Variants in TMEM135 observed in about 807,000 individuals in gnomAD.
The protein encoded by TMEM135 is transmembrane protein 135.
Under a neutral mutation model 60.3 loss-of-function variants are expected in TMEM135, and 30 were observed. The observed-to-expected ratio is 0.50, with a 90% CI of 0.37 to 0.68. The LOEUF (loss-of-function observed/expected upper bound fraction) is 0.68. Ranked by LOEUF, TMEM135 falls within the 30% of genes least tolerant of loss-of-function variation. TMEM135 has a pLI of 0.00. For synonymous variants in TMEM135, 190 were observed against 186.7 expected, an observed-to-expected ratio of 1.02 and a Z score of -0.14; for missense variants, 468 against 548.8, an observed-to-expected ratio of 0.85 and a Z score of 1.47.
intron 4 of TMEM135, among the ~76,000 whole-genome samples, chr11:87,126,012 C>T (rs551056206): frequency 6.6e-6 from 1 of 152,274 alleles, no homozygotes; most frequent in East Asian, 1.9e-4. Context: ...TCACTCACCC[C>T]TTCTTGTTTG....
chr11:87,245,146 T>C (rs1450821347), intron 6 of TMEM135, among the ~76,000 whole-genome samples: 1 of 146,614 alleles, frequency 6.8e-6, no homozygotes, highest in Non-Finnish European at 1.5e-5. Context: ...TCAGTTTCCA[T>C]GTAGTTGAGC....
chr11:87,223,850 AAAG>A (rs1940706816), intron 5 of TMEM135, among the ~76,000 whole-genome samples: 1 of 43,126 alleles, frequency 2.3e-5, no homozygotes, highest in Admixed American at 2.1e-4. Flanking sequence ...ACTGTCTAAA[AAAG>A]AAAGAAAGAA....
rs71040295 is a variant in TMEM135 at position 87,129,213 on chromosome 11, ATTTTTTTTTTTTTTTTTTTTTT to A, written c.397-28102_397-28081del. The stretch of plus-strand genomic sequence containing the variant: ...TTCTATACATGTTCCTTATTCCTTA[ATTTTTTTTTTTTTTTTTTTTTT>A]TTTTTTTTTTTTTTTTTTTTTTTTT... On this transcript the variant is annotated intron_variant, in intron 4 of 14. Transcript: ENST00000305494. Among the ~76,000 whole-genome samples the A allele has an allele frequency of 7.6e-3, 882 of 115,724 alleles. 5 individuals are homozygous for A. Among genetic ancestry groups the A allele is most frequent in the South Asian group, 0.012 (44 of 3,580 alleles). 75.9% of individuals were successfully genotyped at this position (115,724 alleles called of 152,430 possible).
intron 6 of TMEM135, among the ~76,000 whole-genome samples, chr11:87,289,437 C>CTTTTTTTTTTTTTTTTTTT (rs376999371): frequency 1.1e-5 from 1 of 87,580 alleles, no homozygotes; most frequent in Non-Finnish European, 2.0e-5. Context: ...ATCTCCATAT[C>CTTTTTTTTTTTTTTTTTTT]TTTTTTTTTT....
At position 87,323,276 on chromosome 11, in the gene TMEM135, A is replaced by G. The variant is rs1239843591; in HGVS notation, c.*1943A>G. 2 of 453,718 alleles carry G rather than the reference A, an allele frequency of 4.4e-6. No homozygotes were observed. Among genetic ancestry groups the G allele is most frequent in the East Asian group, 6.9e-5 (1 of 14,402 alleles). The allele number at this position is 453,718 out of a possible 1,614,324, so 28.1% of individuals were successfully genotyped here. On this transcript the variant is annotated 3_prime_UTR_variant, in exon 15 of 15. Transcript: ENST00000305494. ...AATTTTATGTAAAATGTAAAATGAA[A>G]TAGCTATCATGAAGCAGAATACAAT... is the stretch of plus-strand genomic sequence containing the variant.
In TMEM135 at chr11:87,236,152, C is replaced by G. The variant is rs369925347; in HGVS notation, c.463-486C>G. Among the ~76,000 whole-genome samples, 25 of 151,668 alleles carry G rather than the reference C, an allele frequency of 1.6e-4. No individual in the cohort carries two copies. In the East Asian group the frequency reaches 4.6e-3, roughly 28 times the overall value. On this transcript the variant is annotated intron_variant, in intron 5 of 14. Coordinates refer to ENST00000305494, the MANE Select transcript of TMEM135 (RefSeq NM_022918.4). ...TTAGCTGTTCCCTTTTTTGTGAACC[C>G]TGTTACCCTTCTATCCCGTCTATAT...
chr11:87,276,296 A>G (rs1941964897), intron 6 of TMEM135, among the ~76,000 whole-genome samples: 1 of 152,142 alleles, frequency 6.6e-6, no homozygotes, highest in African/African-American at 2.4e-5. Flanking sequence ...AGTCTTATAT[A>G]GTAAGTAATA....
rs148957156 is a variant in TMEM135 at position 87,148,497 on chromosome 11, C to T, written c.397-8844C>T. On this transcript the variant is annotated intron_variant, in intron 4 of 14. Transcript: ENST00000305494. ...GAAGGTACCGAAAAAGAATTTGATCCTCTGATTGCCTAGGGTTTTGAGACA... is the reference window on the plus strand; with the variant it reads ...GAAGGTACCGAAAAAGAATTTGATCTTCTGATTGCCTAGGGTTTTGAGACA... Among the ~76,000 whole-genome samples, 10 of 152,184 alleles carry T rather than the reference C, an allele frequency of 6.6e-5. No individual in the cohort carries two copies. The East Asian group carries it at 1.9e-3, about 29-fold the overall frequency.
intron 4 of TMEM135, among the ~76,000 whole-genome samples, chr11:87,131,886 C>T (rs138113606): frequency 2.0e-5 from 3 of 152,258 alleles, no homozygotes; most frequent in Non-Finnish European, 2.9e-5. Context: ...CGCCTGAGCT[C>T]TGCCTCCTGT....
In TMEM135 at chr11:87,289,437, C is replaced by CTTTTTT. The variant is rs376999371; in HGVS notation, c.510-6321_510-6316dup. 9.5e-4 allele frequency among the ~76,000 whole-genome samples: 83 copies of CTTTTTT among 87,572 alleles called. 4 individuals carry two copies. Among genetic ancestry groups the CTTTTTT allele is most frequent in the Middle Eastern group, 6.6e-3 (1 of 152 alleles). The allele number at this position is 87,572 out of a possible 152,430, so 57.5% of individuals were successfully genotyped here. On this transcript the variant is annotated intron_variant, in intron 6 of 14. Transcript: ENST00000305494. ...TATCCTTTAACAAATATCTCCATAT[C>CTTTTTT]TTTTTTTTTTTTTTTTTTTTTTTTT...
At chr11:87,273,463 G>T (rs575408228) in intron 6 of TMEM135, among the ~76,000 whole-genome samples, 1 of 151,504 alleles carries the variant, frequency 6.6e-6, no homozygotes, top group South Asian at 2.1e-4. Flanking sequence ...GATATTCTTG[G>T]TTCTACCAAT....
intron 8 of TMEM135, among the ~76,000 whole-genome samples, chr11:87,302,829 A>G (rs1388238777): frequency 6.6e-6 from 1 of 152,216 alleles, no homozygotes; most frequent in Non-Finnish European, 1.5e-5. Flanking sequence ...AATAAGGGAT[A>G]ACCCTTAAGT....
In TMEM135 at chr11:87,178,878, G is replaced by C. The variant is rs116888620; in HGVS notation, c.462+21472G>C. On this transcript the variant is annotated intron_variant, in intron 5 of 14. Coordinates refer to ENST00000305494, the MANE Select transcript of TMEM135 (RefSeq NM_022918.4). ...AGTTTTCAGTTATGAAAATTGGAGA[G>C]AAGTCTTTGGGTTGACATATGTTTT... 8.6e-3 allele frequency among the ~76,000 whole-genome samples: 1,307 copies of C among 152,060 alleles called. 16 individuals are homozygous for C. The highest frequency in any genetic ancestry group is 0.011 in the Non-Finnish European group (743 of 68,006).
chr11:87,183,955 CAAAAAAA>C (rs71040297), intron 5 of TMEM135, among the ~76,000 whole-genome samples: 1 of 80,150 alleles, frequency 1.2e-5, no homozygotes, highest in African/African-American at 5.5e-5. Flanking sequence ...GACTTCGTCG[CAAAAAAA>C]AAAAAAAAAA....
chr11:87,113,423 G>A (rs1282860491), intron 4 of TMEM135, among the ~76,000 whole-genome samples: 2 of 152,078 alleles, frequency 1.3e-5, no homozygotes, highest in African/African-American at 4.8e-5. Context: ...TTCATTGTTA[G>A]ATGATTGATG....
At chr11:87,159,593 G>GCACACACACACACACACA (rs146638445) in intron 5 of TMEM135, among the ~76,000 whole-genome samples, 1 of 124,878 alleles carries the variant, frequency 8.0e-6, no homozygotes, top group Admixed American at 7.9e-5. Flanking sequence ...ACACACACGC[G>GCACACACACACACACACA]CACACACACA....
intron 5 of TMEM135, among the ~76,000 whole-genome samples, chr11:87,209,063 C>G (rs1390284780): frequency 6.6e-6 from 1 of 152,114 alleles, no homozygotes; most frequent in East Asian, 1.9e-4. Context: ...AGAGGGAGTA[C>G]TAAACATGGA....
intron 1 of TMEM135, among the ~76,000 whole-genome samples, chr11:87,047,372 G>A (rs1475540826): frequency 6.6e-6 from 1 of 151,908 alleles, no homozygotes; most frequent in Non-Finnish European, 1.5e-5. Context: ...CGACGCAGAA[G>A]ACGGGTGATT....
rs1039960463 is a variant in TMEM135, at chr11:87,325,417, G to A, written c.*4084G>A. ...TGCTATTTTACACACAGAAGAAAATGATTGACTTTTGGTTGGAGGAAAGAA... is the reference window on the plus strand; with the variant it reads ...TGCTATTTTACACACAGAAGAAAATAATTGACTTTTGGTTGGAGGAAAGAA... On this transcript the variant is annotated 3_prime_UTR_variant, in exon 15 of 15. Transcript: ENST00000305494. 2.0e-5 allele frequency: 9 copies of A among 453,894 alleles called. No individual in the cohort carries two copies. The highest frequency in any genetic ancestry group is 6.0e-5 in the African/African-American group (3 of 49,966). 28.1% of individuals were successfully genotyped at this position (453,894 alleles called of 1,614,324 possible). A position where few individuals can be genotyped will look rare whatever the true frequency, so the allele number is the denominator to read the frequency against.
Sources: allele counts gnomAD v4.1 joint callset (sites outside exome capture counted in the v4.1 genomes callset), GRCh38; gene constraint gnomAD v4.1.1; transcripts MANE v1.5; gene names NCBI Gene and HGNC (gene_info 2026-07-23, HGNC 2026-07-21).